ALG6: variants seen among roughly 807,000 people sequenced by gnomAD.
The protein encoded by ALG6 is dolichyl pyrophosphate Man9GlcNAc2 alpha-1,3-glucosyltransferase.
ALG6 carries 46 observed loss-of-function variants against 66.6 expected under a neutral mutation model. The observed-to-expected ratio is 0.69, with a 90% CI of 0.55 to 0.88. The LOEUF is 0.88. ALG6 is among the 40% of genes least tolerant of loss of function. ALG6 has a pLI of 0.00. For missense variants in ALG6, 505 were observed against 586.8 expected (o/e 0.86, Z 1.44); for synonymous variants, 185 against 203.7 (o/e 0.91, Z 0.78).
intron 11 of ALG6, among the ~76,000 whole-genome samples, chr1:63,417,286 A>C (rs967239795): frequency 2.0e-5 from 3 of 152,226 alleles, no homozygotes; most frequent in Non-Finnish European, 4.4e-5. Flanking sequence ...TTCAAAGATA[A>C]TAGAATAGAA....
chr1:63,411,096 C>T, intron 7 of ALG6, 50 bp from the exon 8 acceptor site: 4 of 1,589,946 alleles, frequency 2.5e-6, no homozygotes, highest in Non-Finnish European at 2.6e-6. Flanking sequence ...TTTTTAAAAG[C>T]TCTATCTTTT....
At chr1:63,393,286 TAAA>T (rs1648725021) in intron 2 of ALG6, among the ~76,000 whole-genome samples, 1 of 152,232 alleles carries the variant, frequency 6.6e-6, no homozygotes, top group South Asian at 2.1e-4. Context: ...ATTCTTTTCT[TAAA>T]AAAATTTTTA....
chr1:63,369,848 C>T (rs894141871), intron 1 of ALG6, among the ~76,000 whole-genome samples: 8 of 151,028 alleles, frequency 5.3e-5, no homozygotes, highest in Non-Finnish European at 1.0e-4. Flanking sequence ...GATGGAGTTT[C>T]GCTCTTGTTG....
At chr1:63,422,116 TAAATATATAA>T (rs1180904798) in intron 12 of ALG6, among the ~76,000 whole-genome samples, 3 of 79,918 alleles carry the variant, frequency 3.8e-5, no homozygotes, top group Non-Finnish European at 7.2e-5. Flanking sequence ...TAAATATATA[TAAATATATAA>T]ATAAATATAT....
chr1:63,434,094 AGT>A lies in ALG6; in HGVS notation c.1327-2726_1327-2725del, dbSNP rs560430414. ...TAGGACCTAAGATTAGAGAGGTAAC[AGT>A]GTAGTTTCTTATAATGGGACTAGAA... On this transcript the variant is annotated intron_variant, in intron 14 of 14. Transcript: ENST00000263440. 1.2e-4 allele frequency among the ~76,000 whole-genome samples: 19 copies of A among 152,338 alleles called. 1 individual carries two copies. The South Asian group carries it at 3.9e-3, about 32-fold the overall frequency.
chr1:63,430,093 A>C (rs1644638127), intron 14 of ALG6, among the ~76,000 whole-genome samples: 1 of 152,048 alleles, frequency 6.6e-6, no homozygotes. Context: ...ATGTCGGCCA[A>C]GCTGTTCTTG....
At chr1:63,387,563 A>T (rs1426152581) in intron 2 of ALG6, among the ~76,000 whole-genome samples, 1 of 24,308 alleles carries the variant, frequency 4.1e-5, no homozygotes, top group African/African-American at 2.0e-4. Context: ...TTTTTTTGAG[A>T]CAGAGTCTTG....
intron 9 of ALG6, among the ~76,000 whole-genome samples, chr1:63,413,029 A>G (rs1028922102): frequency 6.6e-6 from 1 of 152,216 alleles, no homozygotes; most frequent in African/African-American, 2.4e-5. Context: ...GGATGATGGT[A>G]GTGATGATCT....
At chr1:63,388,314 T>C (rs753924432) in intron 2 of ALG6, among the ~76,000 whole-genome samples, 15 of 151,440 alleles carry the variant, frequency 9.9e-5, no homozygotes, top group Non-Finnish European at 1.5e-4. Flanking sequence ...TACAGGCACA[T>C]GCCACCATGC....
At chr1:63,369,964 G>A (rs1347879358) in intron 1 of ALG6, among the ~76,000 whole-genome samples, 1 of 151,846 alleles carries the variant, frequency 6.6e-6, no homozygotes, top group Non-Finnish European at 1.5e-5. Context: ...GATCACAGGC[G>A]AGCGCCACCA....
At chr1:63,400,268 CGTATATATATATACGTATATATATAT>C (rs201461212) in intron 3 of ALG6, among the ~76,000 whole-genome samples, 2,153 of 12,944 alleles carry the variant, frequency 0.17, 577 homozygotes, top group Non-Finnish European at 0.24. Flanking sequence ...TATATATATA[CGTATATATATATACGTATATATATAT>C]ACGTATATAT....
chr1:63,434,284 G>A (rs1644664902), intron 14 of ALG6, among the ~76,000 whole-genome samples: 1 of 152,134 alleles, frequency 6.6e-6, no homozygotes, highest in Non-Finnish European at 1.5e-5. Flanking sequence ...AACAGGAATT[G>A]CTGGGGTTGT....
chr1:63,375,214 G>T (rs1648082667), intron 2 of ALG6, among the ~76,000 whole-genome samples: 1 of 151,834 alleles, frequency 6.6e-6, no homozygotes, highest in African/African-American at 2.4e-5. Flanking sequence ...AAAAAATGTA[G>T]TGTGATATAG....
chr1:63,400,244 CGTATATATATGTAT>C (rs1644444252), intron 3 of ALG6, among the ~76,000 whole-genome samples: 4 of 15,160 alleles, frequency 2.6e-4, no homozygotes, highest in African/African-American at 9.6e-4. Flanking sequence ...TATATATATA[CGTATATATATGTAT>C]ATATATATAC....
chr1:63,431,135 T>G (rs1339396676), intron 14 of ALG6, among the ~76,000 whole-genome samples: 1 of 152,270 alleles, frequency 6.6e-6, no homozygotes, highest in East Asian at 1.9e-4. Context: ...TGAAAATCAG[T>G]TGTTCTTAAA....
chr1:63,404,457 A>T lies in ALG6; in HGVS notation c.262A>T (p.Lys88Ter), dbSNP rs369777388. ...YHSLLCAYVA[K>*]FINPDWIALH... ...TATATATGCTTTGATTTGCAGGGCA[A>T]AGTTTATAAATCCAGACTGGATTGC... Residue 88 changes from lysine (K) to a stop codon, truncating the protein, a stop_gained, in exon 5 of 15, where the codon AAG becomes TAG. Transcript: ENST00000263440. LOFTEE classifies it high-confidence loss of function. 3 of 1,613,518 alleles carry T rather than the reference A, an allele frequency of 1.9e-6. No individual in the cohort carries two copies. In the East Asian group the frequency reaches 6.7e-5, roughly 36 times the overall value.
chr1:63,432,739 C>T (rs9436670), intron 14 of ALG6, among the ~76,000 whole-genome samples: 40,557 of 152,064 alleles, frequency 0.27, 7,502 homozygotes, highest in African/African-American at 0.53. Context: ...ATAAGCTCCA[C>T]GGAATATTTG....
At position 63,377,251 on chromosome 1, in the gene ALG6, T is replaced by G. The variant is rs562442669; in HGVS notation, c.82+6192T>G. Among the ~76,000 whole-genome samples the G allele has an allele frequency of 2.0e-5, 3 of 152,320 alleles. No homozygotes were observed. The East Asian group carries it at 5.8e-4, about 29-fold the overall frequency. On this transcript the variant is annotated intron_variant, in intron 2 of 14. Coordinates refer to ENST00000263440, the MANE Select transcript of ALG6 (RefSeq NM_013339.4). ...GGTGGTATTAACAGGTAGAATTTTT[T>G]TGTGTGTGACCTGAATTTCATATCA...
chr1:63,374,404 G>C (rs1341071001), intron 2 of ALG6, among the ~76,000 whole-genome samples: 2 of 152,152 alleles, frequency 1.3e-5, no homozygotes, highest in Non-Finnish European at 2.9e-5. Flanking sequence ...GAAGTGGGCC[G>C]ATCACATGAG....
Sources: allele counts gnomAD v4.1 joint callset (sites outside exome capture counted in the v4.1 genomes callset), GRCh38; gene constraint gnomAD v4.1.1; transcripts MANE v1.5; gene names NCBI Gene and HGNC (gene_info 2026-07-23, HGNC 2026-07-21).